SEMA3E: variants seen among roughly 807,000 people sequenced by gnomAD.
SEMA3E encodes the protein semaphorin 3E, also known as semaphorin-3E.
A neutral mutation model predicts 93.6 loss-of-function variants in SEMA3E; 49 were observed. That is an observed-to-expected ratio of 0.52 (90% CI 0.42 to 0.66). The LOEUF (loss-of-function observed/expected upper bound fraction) is 0.66, where lower values mean the gene tolerates loss of function less well. Ranked by LOEUF, SEMA3E falls within the 30% of genes least tolerant of loss-of-function variation. The pLI is 0.00. For synonymous variants in SEMA3E, 363 were observed against 330.7 expected, an observed-to-expected ratio of 1.10 and a Z score of -1.06; for missense variants, 906 against 964.8, an observed-to-expected ratio of 0.94 and a Z score of 0.81.
intron 1 of SEMA3E, among the ~76,000 whole-genome samples, chr7:83,551,103 T>G (rs1319923490): frequency 6.6e-6 from 1 of 152,068 alleles, no homozygotes; most frequent in East Asian, 1.9e-4. Flanking sequence ...GTAATAGCCT[T>G]TGGAAAAGTG....
Position 83,480,909 on chromosome 7 carries a change from G to A in SEMA3E, c.276+9205C>T, listed in dbSNP as rs140332853. Among the ~76,000 whole-genome samples, 489 of 152,208 alleles carry A rather than the reference G, an allele frequency of 3.2e-3. 3 individuals carry two copies. Among genetic ancestry groups the A allele is most frequent in the African/African-American group, 0.011 (460 of 41,540 alleles). On this transcript the variant is annotated intron_variant, in intron 2 of 16. Coordinates refer to ENST00000643230, the MANE Select transcript of SEMA3E (RefSeq NM_012431.3). ...GTTATAAATAAATTGCAGGGAATGG[G>A]TGTGGGAAGAAACATATACATTTAT...
chr7:83,499,020 A>G (rs970234157), intron 1 of SEMA3E, among the ~76,000 whole-genome samples: 1 of 135,338 alleles, frequency 7.4e-6, no homozygotes, highest in Admixed American at 7.4e-5. Flanking sequence ...GAATCATAAT[A>G]TAAACCTTTT....
intron 4 of SEMA3E, among the ~76,000 whole-genome samples, chr7:83,458,715 AATAGTAC>A (rs1789545188): frequency 6.6e-6 from 1 of 151,978 alleles, no homozygotes; most frequent in South Asian, 2.1e-4. Context: ...TATCAGGAGA[AATAGTAC>A]ATGAATTTGA....
chr7:83,537,310 T>C (rs1424954335), intron 1 of SEMA3E, among the ~76,000 whole-genome samples: 3 of 152,206 alleles, frequency 2.0e-5, no homozygotes, highest in African/African-American at 7.2e-5. Flanking sequence ...TTTTTAATAT[T>C]TGTTATAAAA....
intron 4 of SEMA3E, among the ~76,000 whole-genome samples, chr7:83,454,287 A>G (rs933328608): frequency 2.2e-5 from 3 of 136,662 alleles, no homozygotes; most frequent in Non-Finnish European, 4.7e-5. Context: ...ATATATATAT[A>G]TATATATATA....
At chr7:83,514,852 G>A (rs1790895254) in intron 1 of SEMA3E, among the ~76,000 whole-genome samples, 1 of 151,996 alleles carries the variant, frequency 6.6e-6, no homozygotes, top group Admixed American at 6.6e-5. Flanking sequence ...AGAATCAGGA[G>A]AGCTAGGAAT....
At chr7:83,536,937 C>T (rs1791420691) in intron 1 of SEMA3E, among the ~76,000 whole-genome samples, 1 of 152,042 alleles carries the variant, frequency 6.6e-6, no homozygotes, top group Admixed American at 6.6e-5. Context: ...GGAGAAAGGG[C>T]TTTTAGAAAG....
intron 1 of SEMA3E, among the ~76,000 whole-genome samples, chr7:83,586,947 C>A (rs73380761): frequency 0.028 from 4,253 of 152,158 alleles, 199 homozygotes; most frequent in African/African-American, 0.097. Context: ...TAGGAGATTT[C>A]ATGCTTACTG....
intron 2 of SEMA3E, among the ~76,000 whole-genome samples, chr7:83,488,461 G>T (rs1008339642): frequency 6.6e-6 from 1 of 152,126 alleles, no homozygotes; most frequent in Non-Finnish European, 1.5e-5. Flanking sequence ...AAATTAGAAA[G>T]AATCAGACTT....
intron 2 of SEMA3E, among the ~76,000 whole-genome samples, chr7:83,474,095 TAAAAAAAA>T (rs11324407): frequency 7.4e-5 from 8 of 108,602 alleles, no homozygotes; most frequent in South Asian, 5.8e-4. Context: ...CTATCTCAAT[TAAAAAAAA>T]AAAAAAAAAA....
At chr7:83,518,671 G>T (rs1790983629) in intron 1 of SEMA3E, among the ~76,000 whole-genome samples, 1 of 152,038 alleles carries the variant, frequency 6.6e-6, no homozygotes, top group Non-Finnish European at 1.5e-5. Context: ...AGAGGTAAAG[G>T]TGCGACAGAC....
chr7:83,380,062 C>G (rs1711022744), intron 16 of SEMA3E, among the ~76,000 whole-genome samples: 1 of 151,804 alleles, frequency 6.6e-6, no homozygotes, highest in South Asian at 2.1e-4. Context: ...CAATTCAACA[C>G]AGCCAAAAGT....
intron 4 of SEMA3E, among the ~76,000 whole-genome samples, chr7:83,452,080 G>A (rs1301496151): frequency 1.3e-5 from 2 of 152,026 alleles, no homozygotes; most frequent in African/African-American, 2.4e-5. Context: ...AATACTAGGC[G>A]GGCATTTGAA....
intron 5 of SEMA3E, among the ~76,000 whole-genome samples, chr7:83,416,816 C>T (rs2723030): frequency 1 from 151,496 of 152,040 alleles, 75,478 homozygotes; most frequent in Middle Eastern, 1. Context: ...CTATGAGATA[C>T]ATAAATTTTA....
intron 2 of SEMA3E, among the ~76,000 whole-genome samples, chr7:83,472,603 G>A (rs777978108): frequency 6.6e-6 from 1 of 152,292 alleles, no homozygotes; most frequent in Non-Finnish European, 1.5e-5. Context: ...AGCACCATCT[G>A]ATGTATCAAT....
At chr7:83,449,256 C>G (rs1017634576) in intron 4 of SEMA3E, among the ~76,000 whole-genome samples, 1 of 151,854 alleles carries the variant, frequency 6.6e-6, no homozygotes, top group East Asian at 1.9e-4. Context: ...TGCGCCACCA[C>G]GCCTAGCTAA....
rs10275569 is a variant in SEMA3E at position 83,450,961 on chromosome 7, T to C, written c.456+15521A>G. ...TTCCCCACCCTAATCTCATCTTGAA[T>C]TGTAGCTCCCATAATCCCCCTGGTC... On this transcript the variant is annotated intron_variant, in intron 4 of 16. Transcript: ENST00000643230. Among the ~76,000 whole-genome samples, 830 of 152,224 alleles carry C rather than the reference T, an allele frequency of 5.5e-3. 10 individuals carry two copies. Among genetic ancestry groups the C allele is most frequent in the African/African-American group, 0.019 (781 of 41,510 alleles).
intron 2 of SEMA3E, among the ~76,000 whole-genome samples, chr7:83,476,425 T>C (rs1337677773): frequency 6.6e-6 from 1 of 152,180 alleles, no homozygotes; most frequent in Non-Finnish European, 1.5e-5. Flanking sequence ...CTTGAGTAGA[T>C]GGAAGAAAGA....
intron 4 of SEMA3E, among the ~76,000 whole-genome samples, chr7:83,423,184 C>A (rs959943853): frequency 2.0e-5 from 3 of 152,082 alleles, no homozygotes; most frequent in African/African-American, 7.2e-5. Context: ...GTAGGAGACA[C>A]AAATCTGTGC....
Sources: gnomAD v4.1 joint callset for allele counts (sites outside exome capture counted in the v4.1 genomes callset) on GRCh38, gnomAD v4.1.1 for gene constraint, MANE v1.5 for transcripts, NCBI Gene and HGNC (gene_info 2026-07-23, HGNC 2026-07-21) for gene names.